The following LSMEM1 variants were observed in gnomAD, a reference collection of about 807,000 sequenced individuals.
LSMEM1 encodes leucine-rich single-pass membrane protein 1.
Under a neutral mutation model 11.3 loss-of-function variants are expected in LSMEM1, and 10 were observed. The ratio of observed to expected loss-of-function variants is 0.89; its 90% CI spans 0.55 to 1.50. The LOEUF (loss-of-function observed/expected upper bound fraction) is 1.50, where lower values mean the gene tolerates loss of function less well. Ranked by LOEUF, LSMEM1 falls within the 40% of genes most tolerant of loss-of-function variation. The probability of loss-of-function intolerance (pLI) is 0.00; values close to 1 mark genes in which losing one functional copy is unlikely to be tolerated. For missense variants in LSMEM1, 151 were observed against 152.9 expected (o/e 0.99, Z 0.06); for synonymous variants, 65 against 59.3 (o/e 1.10, Z -0.44).
chr7:112,485,088 G>A (rs1228535360), intron 2 of LSMEM1, 145 bp downstream of exon 2: 12 of 980,936 alleles, frequency 1.2e-5, no homozygotes, highest in Non-Finnish European at 1.6e-5. Flanking sequence ...TTGTTGTTGG[G>A]CAATTTTGCT....
intron 3 of LSMEM1, among the ~76,000 whole-genome samples, chr7:112,489,180 C>T (rs2396550): frequency 0.81 from 123,659 of 152,258 alleles, 51,590 homozygotes; most frequent in Middle Eastern, 0.93. Flanking sequence ...TGGATAATTG[C>T]TCTGTGTTAG....
chr7:112,483,433 G>A (rs879450729), intron 1 of LSMEM1: 7 of 152,130 alleles, frequency 4.6e-5, no homozygotes, highest in Non-Finnish European at 5.9e-5. Context: ...CTTAACATAA[G>A]TCACCAACTT....
chr7:112,489,783 T>G, intron 3 of LSMEM1, 27 bp from the exon 4 acceptor site: 1 of 1,602,194 alleles, frequency 6.2e-7, no homozygotes, highest in Non-Finnish European at 8.5e-7. Context: ...GAAACCAATG[T>G]AACACAGTCT....
At chr7:112,486,632 G>A (rs981768487) in intron 2 of LSMEM1, among the ~76,000 whole-genome samples, 17 of 152,174 alleles carry the variant, frequency 1.1e-4, no homozygotes, top group African/African-American at 3.6e-4. Context: ...AAAACTTAGC[G>A]GGACGTGGTG....
chr7:112,489,738 C>T, intron 3 of LSMEM1, 72 bp from the exon 4 acceptor site: 1 of 1,523,828 alleles, frequency 6.6e-7, no homozygotes, highest in Non-Finnish European at 8.9e-7. Flanking sequence ...TGAGCACCAA[C>T]ATGGGGATCT....
At chr7:112,486,848 G>T in intron 2 of LSMEM1, 75 bp from the exon 3 acceptor site, 1 of 1,588,254 alleles carries the variant, frequency 6.3e-7, no homozygotes, top group Non-Finnish European at 8.6e-7. Flanking sequence ...TCTAACACTG[G>T]GGTACTGTTC....
Position 112,484,796 on chromosome 7 carries a change from C to T in LSMEM1, c.-5-16C>T, listed in dbSNP as rs779092774. ...AAGCCCAACCTCTTGTTTTTAACAT[C>T]AGTGTTTTCTTCCAGGGACAATGAC... On this transcript the variant is annotated splice_polypyrimidine_tract_variant and intron_variant, in intron 1 of 3. Coordinates refer to ENST00000312849, the MANE Select transcript of LSMEM1 (RefSeq NM_182597.3). 8 of 1,608,978 alleles carry T rather than the reference C, an allele frequency of 5.0e-6. No individual in the cohort carries two copies. The highest frequency in any genetic ancestry group is 1.7e-4 in the Middle Eastern group (1 of 6,048).
At chr7:112,485,602 C>T (rs1439427806) in intron 2 of LSMEM1, among the ~76,000 whole-genome samples, 2 of 152,100 alleles carry the variant, frequency 1.3e-5, no homozygotes, top group Non-Finnish European at 2.9e-5. Context: ...TCTATTATTT[C>T]CTGTCTAAAT....
At position 112,486,734 on chromosome 7, in the gene LSMEM1, C is replaced by A. The variant is rs530703490; in HGVS notation, c.128-189C>A. The A allele has an allele frequency of 4.7e-6, 3 of 635,332 alleles. No individual in the cohort carries two copies. In the South Asian group the frequency reaches 6.4e-5, roughly 14 times the overall value. The allele number at this position is 635,332 out of a possible 1,614,324, so 39.4% of individuals were successfully genotyped here. On this transcript the variant is annotated intron_variant, in intron 2 of 3. Transcript: ENST00000312849. Reference sequence around the variant, plus strand: ...GAGGTTGCAGTGAGCCGAGATCAAGCCACTGCACTCCAGCCTGGTTGACAG... The same window carrying A: ...GAGGTTGCAGTGAGCCGAGATCAAGACACTGCACTCCAGCCTGGTTGACAG...
intron 3 of LSMEM1, among the ~76,000 whole-genome samples, chr7:112,487,292 T>C (rs1319130929): frequency 6.6e-6 from 1 of 152,254 alleles, no homozygotes; most frequent in African/African-American, 2.4e-5. Flanking sequence ...TAAATAATTC[T>C]ATAGCACTTT....
In LSMEM1 at chr7:112,486,990, G is replaced by A. The variant is rs368219071; in HGVS notation, c.195G>A (p.Val65=). Residue 65 remains valine, a synonymous_variant, in exon 3 of 4, where the codon GTG becomes GTA. Transcript: ENST00000312849. ...SGNGSRSLFF[V]GLLIVLIVSL... ...ATGGAAGCCGGAGTCTGTTTTTTGT[G>A]GGGCTGCTAATTGTGCTGATTGTCA... 6.8e-6 allele frequency: 11 copies of A among 1,613,962 alleles called. No individual in the cohort carries two copies. Among genetic ancestry groups the A allele is most frequent in the Admixed American group, 6.7e-5 (4 of 59,994 alleles).
At chr7:112,485,248 C>T (rs953273567) in intron 2 of LSMEM1, among the ~76,000 whole-genome samples, 3 of 152,176 alleles carry the variant, frequency 2.0e-5, no homozygotes, top group Non-Finnish European at 4.4e-5. Flanking sequence ...GAGGCTGGCT[C>T]ATCCCTCTCC....
At position 112,490,207 on chromosome 7, in the gene LSMEM1, G is replaced by A. The variant is rs1045330647; in HGVS notation, c.*258G>A. The A allele has an allele frequency of 6.7e-5, 25 of 371,610 alleles. No homozygotes were observed. The highest frequency in any genetic ancestry group is 1.2e-4 in the African/African-American group (6 of 48,496). 23.0% of individuals were successfully genotyped at this position (371,610 alleles called of 1,614,324 possible). ...GCACTTCAACTTTAATGGGGTGGGC[G>A]GCTAGCAGGGAGGAGAATCAACAAA... On this transcript the variant is annotated 3_prime_UTR_variant, in exon 4 of 4. Transcript: ENST00000312849.
At chr7:112,485,832 G>A (rs1796118641) in intron 2 of LSMEM1, among the ~76,000 whole-genome samples, 1 of 151,776 alleles carries the variant, frequency 6.6e-6, no homozygotes, top group Admixed American at 6.6e-5. Flanking sequence ...CACAGTGAGT[G>A]GGACCAATTC....
intron 2 of LSMEM1, 59 bp from the exon 3 acceptor site, chr7:112,486,864 T>C (rs1796140745): frequency 6.2e-7 from 1 of 1,607,956 alleles, no homozygotes; most frequent in Non-Finnish European, 8.5e-7. Flanking sequence ...TGTTCAGTTC[T>C]GCTGACAAGT....
rs141920971 is a variant in LSMEM1 at position 112,486,337 on chromosome 7, G to A, written c.128-586G>A. 1.4e-3 allele frequency: 619 copies of A among 449,408 alleles called. 2 individuals carry two copies. Among genetic ancestry groups the A allele is most frequent in the African/African-American group, 0.011 (541 of 49,986 alleles). The allele number at this position is 449,408 out of a possible 1,614,324, so 27.8% of individuals were successfully genotyped here. Reference sequence around the variant, plus strand: ...CCTCTCCCCACACACAAAAATTCATGTTCTGCTATTTCAGTGTTAAGACAG... The same window carrying A: ...CCTCTCCCCACACACAAAAATTCATATTCTGCTATTTCAGTGTTAAGACAG... On this transcript the variant is annotated intron_variant, in intron 2 of 3. Transcript: ENST00000312849.
upstream of LSMEM1, among the ~76,000 whole-genome samples, chr7:112,480,393 A>G (rs1481580649): frequency 2.6e-5 from 4 of 152,114 alleles, no homozygotes; most frequent in Non-Finnish European, 5.9e-5. Context: ...TGGAACACCT[A>G]TTTTCTCACT....
intron 2 of LSMEM1, chr7:112,486,186 C>A: frequency 4.7e-6 from 1 of 211,588 alleles, no homozygotes. Flanking sequence ...GGGAAATATC[C>A]CAGAGCATTC....
rs767107827 is a variant in LSMEM1, at chr7:112,489,830, G to C, written c.277G>C (p.Asp93His). 6.2e-7 allele frequency: 1 copy of C among 1,612,960 alleles called. No homozygotes were observed. Among genetic ancestry groups the C allele is most frequent in the Non-Finnish European group, 8.5e-7 (1 of 1,179,604 alleles). ...TGAAGTTCAAACTGGAAACAAGATG[G>C]ATGATGTGTCAAGAAGACTAACAGC... ...FLIVQTGNKM[D>H]DVSRRLTAEG... The change falls in exon 4 of 4, where the codon GAT (aspartate) becomes CAT (histidine). Residue 93 changes from aspartate to histidine, a missense_variant. Transcript: ENST00000312849.
Sources: gnomAD v4.1 joint callset for allele counts (sites outside exome capture counted in the v4.1 genomes callset) on GRCh38, gnomAD v4.1.1 for gene constraint, MANE v1.5 for transcripts, NCBI Gene and HGNC (gene_info 2026-07-23, HGNC 2026-07-21) for gene names.